The following CCSER1 variants were observed in gnomAD, a reference collection of about 807,000 sequenced individuals.
The protein encoded by CCSER1 is coiled-coil serine rich protein 1, also known as serine-rich coiled-coil domain-containing protein 1.
In CCSER1, 41 loss-of-function variants were observed where a neutral mutation model predicts 82.0. The ratio of observed to expected loss-of-function variants is 0.50; its 90% CI spans 0.39 to 0.65. CCSER1 has a LOEUF of 0.65. Ranked by LOEUF, CCSER1 falls within the 30% of genes least tolerant of loss-of-function variation. The pLI, the probability that CCSER1 is intolerant of heterozygous loss-of-function variation, is 0.00. For synonymous variants in CCSER1, 414 were observed against 383.9 expected, an observed-to-expected ratio of 1.08 and a Z score of -0.92; for missense variants, 1,119 against 1,064.2, an observed-to-expected ratio of 1.05 and a Z score of -0.72.
intron 10 of CCSER1, among the ~76,000 whole-genome samples, chr4:91,134,289 T>C (rs968949674): frequency 6.6e-6 from 1 of 151,838 alleles, no homozygotes; most frequent in Non-Finnish European, 1.5e-5. Flanking sequence ...CCTAGCTACT[T>C]GGGAGGCTGA....
At chr4:90,897,147 T>G (rs1723832882) in intron 8 of CCSER1, among the ~76,000 whole-genome samples, 1 of 152,018 alleles carries the variant, frequency 6.6e-6, no homozygotes, top group Non-Finnish European at 1.5e-5. Context: ...TTTTATTTAT[T>G]ATGGATTCCT....
At chr4:90,367,984 ATG>A (rs1746569518) in intron 3 of CCSER1, among the ~76,000 whole-genome samples, 1 of 152,004 alleles carries the variant, frequency 6.6e-6, no homozygotes, top group Non-Finnish European at 1.5e-5. Flanking sequence ...TTGATGCAAA[ATG>A]TTTAACAGGC....
At chr4:91,479,464 A>G (rs1420203435) in intron 10 of CCSER1, among the ~76,000 whole-genome samples, 1 of 151,678 alleles carries the variant, frequency 6.6e-6, no homozygotes, top group East Asian at 1.9e-4. Flanking sequence ...AATCACACAC[A>G]AAAAGATTGT....
At chr4:90,981,586 A>T (rs1736117635) in intron 9 of CCSER1, among the ~76,000 whole-genome samples, 1 of 151,850 alleles carries the variant, frequency 6.6e-6, no homozygotes, top group Non-Finnish European at 1.5e-5. Context: ...TTTACTCATG[A>T]ACTCCAAAGA....
chr4:91,603,002 T>G lies in CCSER1; in HGVS notation c.*3945T>G, dbSNP rs916916577. Among the ~76,000 whole-genome samples, 1 of 152,108 alleles carries G rather than the reference T, an allele frequency of 6.6e-6. No homozygotes were observed. The highest frequency in any genetic ancestry group is 1.5e-5 in the Non-Finnish European group (1 of 67,966). On this transcript the variant is annotated 3_prime_UTR_variant, in exon 11 of 11. Coordinates refer to ENST00000509176, the MANE Select transcript of CCSER1 (RefSeq NM_001145065.2). ...ATGTAATATTCTTGGGAAATTTACCTCTCCTAGAGTTTAAGCTTTTTAAAA... is the reference window on the plus strand; with the variant it reads ...ATGTAATATTCTTGGGAAATTTACCGCTCCTAGAGTTTAAGCTTTTTAAAA...
chr4:90,843,761 T>C (rs1762853343), intron 8 of CCSER1, among the ~76,000 whole-genome samples: 1 of 152,192 alleles, frequency 6.6e-6, no homozygotes, highest in Admixed American at 6.5e-5. Context: ...TTCTTGGTCA[T>C]GTTAATCTAT....
chr4:91,137,203 T>G (rs908434517), intron 10 of CCSER1, among the ~76,000 whole-genome samples: 1 of 115,634 alleles, frequency 8.6e-6, no homozygotes, highest in Non-Finnish European at 1.8e-5. Flanking sequence ...GATATTCCCC[T>G]TCATGTGTCC....
At chr4:91,406,553 C>T (rs536143737) in intron 10 of CCSER1, among the ~76,000 whole-genome samples, 4 of 152,270 alleles carry the variant, frequency 2.6e-5, no homozygotes, top group East Asian at 3.9e-4. Context: ...TCCACAAATA[C>T]ACGCTAGTAA....
chr4:91,202,178 CAAA>C (rs1262512718), intron 10 of CCSER1, among the ~76,000 whole-genome samples: 1 of 87,594 alleles, frequency 1.1e-5, no homozygotes. Context: ...AAATAACTGT[CAAA>C]AAAAAAAAAA....
rs75947833 is a variant in CCSER1 at position 90,344,851 on chromosome 4, A to G, written c.1509+31804A>G. On this transcript the variant is annotated intron_variant, in intron 3 of 10. Transcript: ENST00000509176. The stretch of plus-strand genomic sequence containing the variant: ...AATAAAATGAGGATAACTTCAAAAG[A>G]GAACATATGTATATTAAATATGCTA... 8.5e-5 allele frequency among the ~76,000 whole-genome samples: 13 copies of G among 152,270 alleles called. No homozygotes were observed. The East Asian group carries it at 2.5e-3, about 29-fold the overall frequency.
chr4:91,591,958 A>T (rs1764290369), intron 10 of CCSER1, among the ~76,000 whole-genome samples: 1 of 152,156 alleles, frequency 6.6e-6, no homozygotes, highest in Non-Finnish European at 1.5e-5. Flanking sequence ...TCTGTTAAAT[A>T]AGCCATTTTA....
chr4:91,352,274 A>C (rs1450567295), intron 10 of CCSER1, among the ~76,000 whole-genome samples: 1 of 152,160 alleles, frequency 6.6e-6, no homozygotes, highest in Non-Finnish European at 1.5e-5. Context: ...TTTTTGAAAC[A>C]GGGTCTCACT....
At chr4:91,536,640 C>T (rs1468343548) in intron 10 of CCSER1, among the ~76,000 whole-genome samples, 2 of 152,120 alleles carry the variant, frequency 1.3e-5, no homozygotes, top group Non-Finnish European at 2.9e-5. Flanking sequence ...ACTCAGCATT[C>T]TGTCACTTCC....
intron 5 of CCSER1, among the ~76,000 whole-genome samples, chr4:90,615,728 G>A (rs1299967723): frequency 1.3e-5 from 2 of 151,432 alleles, no homozygotes; most frequent in African/African-American, 4.8e-5. Flanking sequence ...AATATGCTGT[G>A]AATATTGTTG....
intron 3 of CCSER1, among the ~76,000 whole-genome samples, chr4:90,379,236 G>A (rs1195060098): frequency 6.6e-6 from 1 of 152,094 alleles, no homozygotes; most frequent in Non-Finnish European, 1.5e-5. Context: ...TCCCTATTTT[G>A]TACTCCCATC....
intron 10 of CCSER1, among the ~76,000 whole-genome samples, chr4:91,589,107 A>G (rs531400508): frequency 6.6e-6 from 1 of 152,018 alleles, no homozygotes; most frequent in East Asian, 1.9e-4. Context: ...AGTAGTTTGC[A>G]TTACATTATA....
chr4:90,610,408 A>T (rs1336815730), intron 5 of CCSER1, among the ~76,000 whole-genome samples: 1 of 152,192 alleles, frequency 6.6e-6, no homozygotes, highest in Non-Finnish European at 1.5e-5. Flanking sequence ...TTCTTGTCTT[A>T]AACATGTGAG....
At chr4:91,047,715 A>G (rs550183435) in intron 9 of CCSER1, among the ~76,000 whole-genome samples, 8 of 152,286 alleles carry the variant, frequency 5.3e-5, no homozygotes, top group African/African-American at 1.7e-4. Flanking sequence ...GAAAGTCACT[A>G]GTTCTTATTC....
chr4:90,205,600 A>G (rs532893811), intron 1 of CCSER1, among the ~76,000 whole-genome samples: 1 of 152,262 alleles, frequency 6.6e-6, no homozygotes, highest in African/African-American at 2.4e-5. Context: ...TCAGTTTGCC[A>G]ATATTTTATT....
Sources: allele counts gnomAD v4.1 joint callset (sites outside exome capture counted in the v4.1 genomes callset), GRCh38; gene constraint gnomAD v4.1.1; transcripts MANE v1.5; gene names NCBI Gene and HGNC (gene_info 2026-07-23, HGNC 2026-07-21).